Variants in DACH1 observed in about 807,000 individuals in gnomAD.
The protein encoded by DACH1 is dachshund family transcription factor 1.
DACH1 carries 12 observed loss-of-function variants against 54.2 expected under a neutral mutation model. That is an observed-to-expected ratio of 0.22 (90% CI 0.14 to 0.36). The LOEUF is 0.36. Ranked by LOEUF, DACH1 falls within the 10% of genes least tolerant of loss-of-function variation. The probability of loss-of-function intolerance (pLI) is 1.00; values close to 1 mark genes in which losing one functional copy is unlikely to be tolerated. For synonymous variants in DACH1, 386 were observed against 366.2 expected (o/e 1.05, Z -0.62); for missense variants, 805 against 929.8 (o/e 0.87, Z 1.75).
chr13:71,735,368 CG>C (rs1349862109), intron 1 of DACH1, among the ~76,000 whole-genome samples: 4 of 17,512 alleles, frequency 2.3e-4, no homozygotes, highest in African/African-American at 4.1e-4. Flanking sequence ...TACACGTATA[CG>C]GGATATACGT....
At chr13:71,833,012 G>T (rs528488437) in intron 1 of DACH1, among the ~76,000 whole-genome samples, 1 of 151,770 alleles carries the variant, frequency 6.6e-6, no homozygotes, top group African/African-American at 2.4e-5. Flanking sequence ...AATCCATATA[G>T]CTTCAGAAAG....
Position 71,569,525 on chromosome 13 carries a change from T to C in DACH1, c.1299+3315A>G, listed in dbSNP as rs73521266. Among the ~76,000 whole-genome samples the C allele has an allele frequency of 6.1e-3, 929 of 152,266 alleles. 11 individuals carry two copies. The highest frequency in any genetic ancestry group is 0.021 in the African/African-American group (882 of 41,562). On this transcript the variant is annotated intron_variant, in intron 4 of 10. Coordinates refer to ENST00000613252, the MANE Select transcript of DACH1 (RefSeq NM_080759.6). ...AAAACCATTCTTAACTCACAGGCCA[T>C]GAAAACCAGCAGCAGAATAGATTTC...
chr13:71,654,086 C>T (rs892445896), intron 2 of DACH1, among the ~76,000 whole-genome samples: 1 of 151,994 alleles, frequency 6.6e-6, no homozygotes, highest in Non-Finnish European at 1.5e-5. Flanking sequence ...GATAGGTAAC[C>T]ATCTAAAATT....
chr13:71,744,334 A>G (rs992910719), intron 1 of DACH1, among the ~76,000 whole-genome samples: 1 of 152,214 alleles, frequency 6.6e-6, no homozygotes, highest in Non-Finnish European at 1.5e-5. Context: ...CATCTTCTGC[A>G]TTGGTTAGCT....
At chr13:71,619,729 G>T (rs1223436455) in intron 3 of DACH1, among the ~76,000 whole-genome samples, 2 of 151,868 alleles carry the variant, frequency 1.3e-5, no homozygotes, top group African/African-American at 4.8e-5. Flanking sequence ...ATGTAGGAGG[G>T]ATTCAATTAT....
chr13:71,546,817 C>A (rs1883494437), intron 6 of DACH1, among the ~76,000 whole-genome samples: 1 of 151,972 alleles, frequency 6.6e-6, no homozygotes, highest in Admixed American at 6.6e-5. Context: ...CAATTGAATA[C>A]TTATTTTATT....
intron 1 of DACH1, among the ~76,000 whole-genome samples, chr13:71,725,307 A>G (rs537912170): frequency 6.6e-6 from 1 of 152,270 alleles, no homozygotes; most frequent in South Asian, 2.1e-4. Context: ...TTCAAAAAAG[A>G]AGACAAAAGA....
chr13:71,483,485 ATAT>A, intron 7 of DACH1, among the ~76,000 whole-genome samples: 2 of 147,020 alleles, frequency 1.4e-5, no homozygotes, highest in South Asian at 4.2e-4. Flanking sequence ...AATAAATAAT[ATAT>A]TAATATAATA....
chr13:71,864,214 C>CACACACACACACA (rs35136330), intron 1 of DACH1, among the ~76,000 whole-genome samples: 25 of 113,328 alleles, frequency 2.2e-4, no homozygotes, highest in East Asian at 6.0e-4. Flanking sequence ...CACACACACA[C>CACACACACACACA]AACATTTACC....
In DACH1 at chr13:71,866,667, A is replaced by T. The variant is rs1025367549; in HGVS notation, c.103T>A (p.Ser35Thr). Residue 35 changes from serine to threonine, a missense_variant, in exon 1 of 11, where the codon TCG becomes ACG. Ser to Thr is a moderately conservative substitution (Grantham distance 58, BLOSUM62 1). Transcript: ENST00000613252. ...SSSGTTTSTS[S>T]ATSSPAPSIG... ...GAAGGAGCCGGAGACGAAGTCGCCG[A>T]AGAGGTGGAGGTGGTGGTGCCAGAG... 6.9e-7 allele frequency: 1 copy of T among 1,439,720 alleles called. No homozygotes were observed. Among genetic ancestry groups the T allele is most frequent in the African/African-American group, 1.5e-5 (1 of 68,870 alleles). The allele number at this position is 1,439,720 out of a possible 1,614,324, so 89.2% of individuals were successfully genotyped here.
chr13:71,739,188 GT>G (rs1018808735), intron 1 of DACH1, among the ~76,000 whole-genome samples: 1 of 152,068 alleles, frequency 6.6e-6, no homozygotes, highest in Non-Finnish European at 1.5e-5. Flanking sequence ...GGAGGTGGAG[GT>G]TGTGGTGAGC....
At chr13:71,673,816 C>A (rs750261504) in intron 2 of DACH1, among the ~76,000 whole-genome samples, 6 of 152,130 alleles carry the variant, frequency 3.9e-5, no homozygotes, top group Non-Finnish European at 7.3e-5. Flanking sequence ...AATGTCACTT[C>A]TCTAGAGCAT....
intron 10 of DACH1, among the ~76,000 whole-genome samples, chr13:71,455,112 T>C (rs1875436913): frequency 6.6e-6 from 1 of 152,232 alleles, no homozygotes; most frequent in African/African-American, 2.4e-5. Context: ...GGAACAAGGC[T>C]AACTTGCATG....
At position 71,638,874 on chromosome 13, in the gene DACH1, C is replaced by T. The variant is rs916903750; in HGVS notation, c.965-8157G>A. Among the ~76,000 whole-genome samples, 9 of 152,112 alleles carry T rather than the reference C, an allele frequency of 5.9e-5. No homozygotes were observed. The East Asian group carries it at 1.2e-3, about 20-fold the overall frequency. On this transcript the variant is annotated intron_variant, in intron 2 of 10. Coordinates refer to ENST00000613252, the MANE Select transcript of DACH1 (RefSeq NM_080759.6). ...ATAGTCATTCATTTAAAACTCTCAC[C>T]GTGTGCAATTAATCTTGTCCAACAA...
At chr13:71,580,428 T>C (rs1380961823) in intron 3 of DACH1, among the ~76,000 whole-genome samples, 1 of 152,192 alleles carries the variant, frequency 6.6e-6, no homozygotes, top group Non-Finnish European at 1.5e-5. Flanking sequence ...TTATAGATTG[T>C]TAGTGGGGTA....
chr13:71,450,703 C>A (rs1446444844), intron 10 of DACH1, among the ~76,000 whole-genome samples: 1 of 152,036 alleles, frequency 6.6e-6, no homozygotes. Flanking sequence ...AACAAAAGTT[C>A]TTGAAGGAAA....
intron 1 of DACH1, among the ~76,000 whole-genome samples, chr13:71,774,455 T>C (rs1885982359): frequency 6.6e-6 from 1 of 152,086 alleles, no homozygotes; most frequent in South Asian, 2.1e-4. Flanking sequence ...GGTTTCAAGG[T>C]AGAAGTGATG....
At chr13:71,837,491 C>G (rs1594283279) in intron 1 of DACH1, among the ~76,000 whole-genome samples, 1 of 151,966 alleles carries the variant, frequency 6.6e-6, no homozygotes, top group East Asian at 1.9e-4. Context: ...TCCTATTTAT[C>G]ACCGCTTCTC....
rs10707603 is a variant in DACH1, at chr13:71,529,183, GTTTTTTTTT to G, written c.1570+27832_1570+27840del. ...TACATCAAACAATATTGTGATTTGG[GTTTTTTTTT>G]TTTTTTTTTTTTGAGGCAGAATCTC... On this transcript the variant is annotated intron_variant, in intron 6 of 10. Transcript: ENST00000613252. 2.1e-4 allele frequency among the ~76,000 whole-genome samples: 17 copies of G among 80,982 alleles called. No homozygotes were observed. In the South Asian group the frequency reaches 8.2e-3, roughly 39 times the overall value. 53.1% of individuals were successfully genotyped at this position (80,982 alleles called of 152,430 possible). A position where few individuals can be genotyped will look rare whatever the true frequency, so the allele number is the denominator to read the frequency against.
Sources: allele counts gnomAD v4.1 joint callset (sites outside exome capture counted in the v4.1 genomes callset), GRCh38; gene constraint gnomAD v4.1.1; transcripts MANE v1.5; gene names NCBI Gene and HGNC (gene_info 2026-07-23, HGNC 2026-07-21).